The following SPON1 variants were observed in gnomAD, a reference collection of about 807,000 sequenced individuals.
The protein encoded by SPON1 is spondin-1.
A neutral mutation model predicts 111.7 loss-of-function variants in SPON1; 52 were observed. The observed-to-expected ratio is 0.47, with a 90% CI of 0.37 to 0.59. The LOEUF is 0.59. Among genes scored for constraint, SPON1 ranks in the 20% least tolerant of loss-of-function variants. The pLI is 0.00. For missense variants in SPON1, 957 were observed against 1,068.5 expected, an observed-to-expected ratio of 0.90 and a Z score of 1.46; for synonymous variants, 410 against 395.8, an observed-to-expected ratio of 1.04 and a Z score of -0.43.
At chr11:13,964,601 G>C (rs915460533) in intron 1 of SPON1, among the ~76,000 whole-genome samples, 1 of 152,188 alleles carries the variant, frequency 6.6e-6, no homozygotes, top group Non-Finnish European at 1.5e-5. Context: ...ACTTTGCGAG[G>C]AACAGTCTGA....
chr11:14,196,448 T>C (rs570911303), intron 6 of SPON1, among the ~76,000 whole-genome samples: 1 of 152,194 alleles, frequency 6.6e-6, no homozygotes, highest in Non-Finnish European at 1.5e-5. Context: ...TGAGTTACTT[T>C]AAAGAGGTAA....
At chr11:14,022,507 C>G (rs1044199783) in intron 2 of SPON1, among the ~76,000 whole-genome samples, 1 of 152,082 alleles carries the variant, frequency 6.6e-6, no homozygotes. Context: ...TAAATATGAC[C>G]GGGTGGAATA....
At chr11:14,004,034 T>C (rs1591347439) in intron 2 of SPON1, among the ~76,000 whole-genome samples, 1 of 152,158 alleles carries the variant, frequency 6.6e-6, no homozygotes, top group East Asian at 1.9e-4. Flanking sequence ...TCATGCAATA[T>C]TTTTCTTTCT....
At chr11:14,006,268 A>C (rs1848359771) in intron 2 of SPON1, among the ~76,000 whole-genome samples, 1 of 152,208 alleles carries the variant, frequency 6.6e-6, no homozygotes, top group Non-Finnish European at 1.5e-5. Context: ...TTATCCTTTT[A>C]GTACCTGCTA....
At chr11:14,027,098 A>G (rs557974719) in intron 2 of SPON1, among the ~76,000 whole-genome samples, 1 of 152,306 alleles carries the variant, frequency 6.6e-6, no homozygotes, top group South Asian at 2.1e-4. Context: ...GCATCCCTTG[A>G]GGAGACTCGT....
rs532499845 is a variant in SPON1 at position 14,100,499 on chromosome 11, T to C, written c.676+20478T>C. ...TTGTTCTTATGGTGGTTGCCTTTAA[T>C]GTAAGACACGTACTTATGTTTATCT... On this transcript the variant is annotated intron_variant, in intron 5 of 15. Coordinates refer to ENST00000576479, the MANE Select transcript of SPON1 (RefSeq NM_006108.4). 6.6e-5 allele frequency among the ~76,000 whole-genome samples: 10 copies of C among 152,342 alleles called. No homozygotes were observed. The East Asian group carries it at 1.9e-3, about 29-fold the overall frequency.
At chr11:14,048,599 C>A (rs1848686317) in intron 3 of SPON1, among the ~76,000 whole-genome samples, 1 of 152,204 alleles carries the variant, frequency 6.6e-6, no homozygotes, top group Non-Finnish European at 1.5e-5. Context: ...ACTTTCCAGG[C>A]AGCCCTCCTT....
At chr11:14,200,174 T>C (rs879967589) in intron 6 of SPON1, among the ~76,000 whole-genome samples, 5 of 152,226 alleles carry the variant, frequency 3.3e-5, no homozygotes, top group African/African-American at 9.6e-5. Flanking sequence ...AGATCATTTA[T>C]GGCTTCATGC....
intron 2 of SPON1, among the ~76,000 whole-genome samples, chr11:14,010,119 C>A (rs1207661007): frequency 2.6e-5 from 4 of 152,138 alleles, no homozygotes; most frequent in African/African-American, 9.7e-5. Flanking sequence ...AGGCTGAGAT[C>A]AGTTGCAGGA....
chr11:14,049,652 G>A (rs1488943281), intron 3 of SPON1, among the ~76,000 whole-genome samples: 4 of 152,184 alleles, frequency 2.6e-5, no homozygotes, highest in Non-Finnish European at 5.9e-5. Flanking sequence ...CACAGAGGCT[G>A]CCTTTGAGGT....
At chr11:14,034,602 T>C (rs1443439287) in intron 2 of SPON1, among the ~76,000 whole-genome samples, 1 of 152,226 alleles carries the variant, frequency 6.6e-6, no homozygotes, top group African/African-American at 2.4e-5. Flanking sequence ...GTAGCTTCTA[T>C]GGATTGGAGA....
At chr11:14,198,491 T>G (rs1591408107) in intron 6 of SPON1, among the ~76,000 whole-genome samples, 1 of 152,364 alleles carries the variant, frequency 6.6e-6, no homozygotes, top group East Asian at 1.9e-4. Context: ...ATGATATATT[T>G]GAAAGCTGAT....
At chr11:14,015,177 A>G (rs1284149643) in intron 2 of SPON1, among the ~76,000 whole-genome samples, 3 of 152,224 alleles carry the variant, frequency 2.0e-5, no homozygotes, top group African/African-American at 7.2e-5. Context: ...TCATGCTGCT[A>G]TAACAAAATA....
At position 14,259,463 on chromosome 11, in the gene SPON1, C is replaced by A; in HGVS notation, c.1663+13C>A. The A allele has an allele frequency of 6.2e-7, 1 of 1,601,532 alleles. No individual in the cohort carries two copies. Among genetic ancestry groups the A allele is most frequent in the Non-Finnish European group, 8.5e-7 (1 of 1,174,240 alleles). On this transcript the variant is annotated intron_variant, in intron 12 of 15. Coordinates refer to ENST00000576479, the MANE Select transcript of SPON1 (RefSeq NM_006108.4). This position sits in a 1 kb window ranked among gnomAD's most constrained non-coding sequence, Gnocchi z 5.0. ...AACGAGGAGTGCTGTGAGTGGGGGC[C>A]CCGGGCGGGCAGGCGGGCAAGTAGG... is the stretch of plus-strand genomic sequence containing the variant.
rs148475606 is a variant in SPON1, at chr11:14,052,877, A to T, written c.479+11223A>T. Among the ~76,000 whole-genome samples the T allele has an allele frequency of 1.8e-3, 280 of 152,338 alleles. 2 individuals carry two copies. The highest frequency in any genetic ancestry group is 6.3e-3 in the African/African-American group (264 of 41,586). ...ACAGGCCCTAGACAGAGCTCTAGGCACAGCAGTAAACTGAAGCTTGGTGGG... is the reference window on the plus strand; with the variant it reads ...ACAGGCCCTAGACAGAGCTCTAGGCTCAGCAGTAAACTGAAGCTTGGTGGG... On this transcript the variant is annotated intron_variant, in intron 3 of 15. Coordinates refer to ENST00000576479, the MANE Select transcript of SPON1 (RefSeq NM_006108.4).
chr11:14,045,886 C>T (rs748024721), intron 3 of SPON1, among the ~76,000 whole-genome samples: 126 of 151,848 alleles, frequency 8.3e-4, no homozygotes, highest in Non-Finnish European at 1.5e-3. Context: ...CCATCCTTTC[C>T]TTTATGAATT....
chr11:14,027,509 C>G (rs1848527597), intron 2 of SPON1, among the ~76,000 whole-genome samples: 1 of 152,324 alleles, frequency 6.6e-6, no homozygotes, highest in African/African-American at 2.4e-5. Flanking sequence ...AATAAACCAC[C>G]AGCACAGTGA....
chr11:14,012,577 AT>A (rs35043097), intron 2 of SPON1, among the ~76,000 whole-genome samples: 6 of 152,156 alleles, frequency 3.9e-5, no homozygotes, highest in Non-Finnish European at 7.4e-5. Flanking sequence ...AGTGTTAACC[AT>A]TTTGTCCACC....
chr11:14,063,432 C>T (rs952850165), intron 3 of SPON1, among the ~76,000 whole-genome samples: 8 of 151,852 alleles, frequency 5.3e-5, no homozygotes, highest in East Asian at 3.9e-4. Context: ...TTTTTCTTCC[C>T]TTCTCCCACT....
Sources: allele counts gnomAD v4.1 joint callset (sites outside exome capture counted in the v4.1 genomes callset), GRCh38; gene constraint gnomAD v4.1.1; non-coding constraint Gnocchi (gnomAD v3.1); transcripts MANE v1.5; gene names NCBI Gene and HGNC (gene_info 2026-07-23, HGNC 2026-07-21).